The following RORA variants were observed in gnomAD, a reference collection of about 807,000 sequenced individuals.
RORA encodes the protein nuclear receptor ROR-alpha.
In RORA, 7 loss-of-function variants were observed where a neutral mutation model predicts 69.5. That is an observed-to-expected ratio of 0.10 (90% CI 0.06 to 0.19). The LOEUF (loss-of-function observed/expected upper bound fraction) is 0.19, where lower values mean the gene tolerates loss of function less well. Ranked by LOEUF, RORA falls within the 10% of genes least tolerant of loss-of-function variation. RORA has a pLI of 1.00. For synonymous variants in RORA, 261 were observed against 240.8 expected, an observed-to-expected ratio of 1.08 and a Z score of -0.78; for missense variants, 457 against 663.0, an observed-to-expected ratio of 0.69 and a Z score of 3.41.
chr15:61,073,419 T>A (rs1198358049), intron 1 of RORA, among the ~76,000 whole-genome samples: 1 of 149,766 alleles, frequency 6.7e-6, no homozygotes, highest in African/African-American at 2.4e-5. Flanking sequence ...AGGGTTGGAA[T>A]GGGCAGTGAA....
At chr15:60,957,933 T>C (rs2140340109) in intron 1 of RORA, among the ~76,000 whole-genome samples, 1 of 148,886 alleles carries the variant, frequency 6.7e-6, no homozygotes, top group South Asian at 2.2e-4. Context: ...CAAAATGACC[T>C]ATGAGGCATG....
chr15:60,890,078 A>G (rs1264914424), intron 1 of RORA, among the ~76,000 whole-genome samples: 1 of 152,204 alleles, frequency 6.6e-6, no homozygotes, highest in Non-Finnish European at 1.5e-5. Flanking sequence ...CTATCTTTCC[A>G]TAGTAAGTCC....
In RORA at chr15:60,531,533, C is replaced by T. The variant is rs1595922394; in HGVS notation, c.282+233G>A. The T allele has an allele frequency of 2.3e-6, 1 of 436,714 alleles. No homozygotes were observed. The highest frequency in any genetic ancestry group is 4.4e-5 in the East Asian group (1 of 22,794). 27.1% of individuals were successfully genotyped at this position (436,714 alleles called of 1,614,324 possible). ...CAACTCTGGGGTTGAAAGTGATAAA[C>T]AAGCAATGCTCAAATACCTTTTTGT... On this transcript the variant is annotated intron_variant, in intron 3 of 10. Transcript: ENST00000335670. The surrounding 1 kb of genome is among the most constrained non-coding windows in gnomAD (Gnocchi z 4.8).
chr15:61,053,907 A>AGG (rs1470666742), intron 1 of RORA, among the ~76,000 whole-genome samples: 1 of 137,718 alleles, frequency 7.3e-6, no homozygotes, highest in Non-Finnish European at 1.6e-5. Context: ...TCAATACTCA[A>AGG]GGAAAAGGAG....
chr15:60,902,755 T>C (rs1329586725), intron 1 of RORA, among the ~76,000 whole-genome samples: 3 of 152,184 alleles, frequency 2.0e-5, no homozygotes, highest in Non-Finnish European at 4.4e-5. Flanking sequence ...CCCACCGTGG[T>C]TGAACGAGGT....
chr15:60,850,781 C>T (rs901050184), intron 1 of RORA, among the ~76,000 whole-genome samples: 1 of 152,194 alleles, frequency 6.6e-6, no homozygotes, highest in African/African-American at 2.4e-5. Flanking sequence ...GTCTTCCCTG[C>T]TGATCACTTT....
At chr15:61,021,148 G>A (rs563759742) in intron 1 of RORA, among the ~76,000 whole-genome samples, 2 of 152,256 alleles carry the variant, frequency 1.3e-5, no homozygotes, top group Admixed American at 6.5e-5. Flanking sequence ...CGCTGGGGAC[G>A]GGAGAGGCCT....
intron 1 of RORA, among the ~76,000 whole-genome samples, chr15:60,709,591 T>C (rs1358265915): frequency 6.6e-6 from 1 of 151,838 alleles, no homozygotes; most frequent in African/African-American, 2.4e-5. Context: ...GCATGAACCC[T>C]GTTGTGAAGT....
Position 60,634,626 on chromosome 15 carries a change from A to G in RORA, c.196+44031T>C, listed in dbSNP as rs557249225. On this transcript the variant is annotated intron_variant, in intron 2 of 10. Coordinates refer to ENST00000335670, the MANE Select transcript of RORA (RefSeq NM_134261.3). ...CACCATGTTGGCCAGGCTGGTCTCA[A>G]TCTCTTGAGCTCGTGATCCACCTGC... 1.5e-3 allele frequency among the ~76,000 whole-genome samples: 225 copies of G among 152,066 alleles called. 5 individuals carry two copies. The highest frequency in any genetic ancestry group is 1.6e-3 in the Admixed American group (24 of 15,272).
chr15:60,602,385 G>T (rs917299548), intron 2 of RORA, among the ~76,000 whole-genome samples: 1 of 152,058 alleles, frequency 6.6e-6, no homozygotes, highest in Non-Finnish European at 1.5e-5. Flanking sequence ...TTATCCCAAG[G>T]TCAGCTGCCA....
intron 1 of RORA, among the ~76,000 whole-genome samples, chr15:60,712,335 A>G (rs2071155934): frequency 6.6e-6 from 1 of 152,198 alleles, no homozygotes; most frequent in African/African-American, 2.4e-5. Flanking sequence ...GAAAATAGGC[A>G]ATACAAGGTC....
In RORA at chr15:61,100,635, A is replaced by C. The variant is rs189561660; in HGVS notation, c.166+128418T>G. 5.1e-3 allele frequency among the ~76,000 whole-genome samples: 780 copies of C among 152,170 alleles called. 3 individuals carry two copies. The highest frequency in any genetic ancestry group is 0.01 in the Middle Eastern group (3 of 294). On this transcript the variant is annotated intron_variant, in intron 1 of 10. Coordinates refer to ENST00000335670, the MANE Select transcript of RORA (RefSeq NM_134261.3). ...TGTGGCTAGAGAGCTGGGACCATTC[A>C]TTTGGCATGGGGCTGCACTCCCCCT...
rs150517460 is a variant in RORA at position 60,538,469 on chromosome 15, T to A, written c.197-6618A>T. Reference sequence around the variant, plus strand: ...CTTGCCACATCATTCATGGCAAAGATTGCGATGCTGTGTCCTATTACCCAT... The same window carrying A: ...CTTGCCACATCATTCATGGCAAAGAATGCGATGCTGTGTCCTATTACCCAT... On this transcript the variant is annotated intron_variant, in intron 2 of 10. Transcript: ENST00000335670. 2.0e-5 allele frequency among the ~76,000 whole-genome samples: 3 copies of A among 149,606 alleles called. No individual in the cohort carries two copies. In the East Asian group the frequency reaches 5.8e-4, roughly 29 times the overall value.
intron 1 of RORA, among the ~76,000 whole-genome samples, chr15:60,911,343 C>T (rs147029985): frequency 2.0e-5 from 3 of 152,188 alleles, no homozygotes; most frequent in East Asian, 1.9e-4. Context: ...CTTCAACACA[C>T]CTTCTGCTCT....
chr15:60,652,169 G>A (rs981531400), intron 2 of RORA, among the ~76,000 whole-genome samples: 1 of 151,682 alleles, frequency 6.6e-6, no homozygotes, highest in African/African-American at 2.4e-5. Context: ...AACAAGAGAC[G>A]TGCAGTTCTG....
chr15:61,189,374 G>A (rs188082200), intron 1 of RORA, among the ~76,000 whole-genome samples: 95 of 152,226 alleles, frequency 6.2e-4, no homozygotes, highest in African/African-American at 2.1e-3. Context: ...GCTCCCACTC[G>A]GCAGCTATGG....
rs1363328392 is a variant in RORA at position 60,905,236 on chromosome 15, C to A, written c.167-226550G>T. On this transcript the variant is annotated intron_variant, in intron 1 of 10. Transcript: ENST00000335670. This position sits in a 1 kb window ranked among gnomAD's most constrained non-coding sequence, Gnocchi z 4.8. The stretch of plus-strand genomic sequence containing the variant: ...CCATTTCCCTTAGCCACTGGGCAAC[C>A]AATGTCTCCTTCTGAACAGTTGGGA... 6.6e-6 allele frequency among the ~76,000 whole-genome samples: 1 copy of A among 152,206 alleles called. No individual in the cohort carries two copies. The highest frequency in any genetic ancestry group is 1.5e-5 in the Non-Finnish European group (1 of 68,044).
chr15:61,082,384 G>C (rs539497566), intron 1 of RORA, among the ~76,000 whole-genome samples: 4 of 152,340 alleles, frequency 2.6e-5, no homozygotes, highest in African/African-American at 9.6e-5. Flanking sequence ...AGTGACTCAG[G>C]AGGCTGAGGC....
intron 1 of RORA, among the ~76,000 whole-genome samples, chr15:60,822,793 C>T (rs943753639): frequency 6.6e-6 from 1 of 152,124 alleles, no homozygotes; most frequent in Non-Finnish European, 1.5e-5. Flanking sequence ...GGGAGTGGGG[C>T]CAGGCATCAG....
Sources: allele counts gnomAD v4.1 joint callset (sites outside exome capture counted in the v4.1 genomes callset), GRCh38; gene constraint gnomAD v4.1.1; non-coding constraint Gnocchi (gnomAD v3.1); transcripts MANE v1.5; gene names NCBI Gene and HGNC (gene_info 2026-07-23, HGNC 2026-07-21).